The following FANCD2 variants were observed in gnomAD, a reference collection of about 807,000 sequenced individuals.
FANCD2 encodes the protein FA complementation group D2.
In FANCD2, 131 loss-of-function variants were observed where a neutral mutation model predicts 192.3. The ratio of observed to expected loss-of-function variants is 0.68; its 90% CI spans 0.59 to 0.79. The LOEUF is 0.79. Among genes scored for constraint, FANCD2 ranks in the 30% least tolerant of loss-of-function variants. The probability of loss-of-function intolerance (pLI) is 0.00; values close to 1 mark genes in which losing one functional copy is unlikely to be tolerated. For synonymous variants in FANCD2, 524 were observed against 612.5 expected, an observed-to-expected ratio of 0.86 and a Z score of 2.13; for missense variants, 1,508 against 1,701.6, an observed-to-expected ratio of 0.89 and a Z score of 2.00.
intron 43 of FANCD2, among the ~76,000 whole-genome samples, chr3:10,100,783 A>G (rs1001129479): frequency 2.6e-5 from 4 of 152,118 alleles, no homozygotes; most frequent in African/African-American, 9.7e-5. Flanking sequence ...AAATTATGCA[A>G]ATTGGGCCGG....
chr3:10,045,354 G>C (rs1451136941), intron 14 of FANCD2, among the ~76,000 whole-genome samples: 1 of 151,850 alleles, frequency 6.6e-6, no homozygotes, highest in East Asian at 1.9e-4. Flanking sequence ...ATTTTTAGTG[G>C]AAATGGGGCT....
chr3:10,043,227 C>T, intron 12 of FANCD2, 77 bp downstream of exon 12: 1 of 1,031,592 alleles, frequency 9.7e-7, no homozygotes, highest in African/African-American at 1.6e-5. Context: ...AATACTACTA[C>T]AAATAATGAT....
At chr3:10,048,508 T>G (rs1177189963) in intron 16 of FANCD2, among the ~76,000 whole-genome samples, 1 of 152,224 alleles carries the variant, frequency 6.6e-6, no homozygotes, top group Non-Finnish European at 1.5e-5. Context: ...TTTCACCATG[T>G]TGGCCAGGCT....
chr3:10,056,528 A>T (rs1362821323), intron 18 of FANCD2, among the ~76,000 whole-genome samples: 2 of 151,938 alleles, frequency 1.3e-5, no homozygotes, highest in Non-Finnish European at 2.9e-5. Context: ...TAATTAATTA[A>T]TTTAAAAATT....
rs145118615 is a variant in FANCD2 at position 10,080,408 on chromosome 3, A to G, written c.2977-692A>G. On this transcript the variant is annotated intron_variant, in intron 30 of 43. Transcript: ENST00000675286. ...GCCACCGCACTCAGCTAATTTTTGT[A>G]TTTTTTGTAAAGAAGAGTTTCAGCA... Among the ~76,000 whole-genome samples the G allele has an allele frequency of 1.7e-3, 254 of 152,170 alleles. 4 individuals are homozygous for G. Among genetic ancestry groups the G allele is most frequent in the South Asian group, 0.01 (49 of 4,820 alleles).
chr3:10,092,203 A>G lies in FANCD2; in HGVS notation c.3800A>G (p.Tyr1267Cys). ...SQQIHEEKLL[Y>C]WNMAVRDFSI... is the part of the protein sequence containing the mutation. Reference sequence around the variant, plus strand: ...CAGATTCATGAAGAGAAACTCCTCTACTGGAACATGGCTGTTCGAGACTTC... The same window carrying G: ...CAGATTCATGAAGAGAAACTCCTCTGCTGGAACATGGCTGTTCGAGACTTC... The change falls in exon 38 of 44, where the codon TAC becomes TGC. Residue 1267 changes from tyrosine to cysteine, a missense_variant. Transcript: ENST00000675286. 6.2e-7 allele frequency: 1 copy of G among 1,614,062 alleles called. No individual in the cohort carries two copies. The highest frequency in any genetic ancestry group is 8.5e-7 in the Non-Finnish European group (1 of 1,179,902).
intron 3 of FANCD2, among the ~76,000 whole-genome samples, chr3:10,033,618 G>A (rs1490584335): frequency 6.6e-6 from 1 of 151,282 alleles, no homozygotes. Context: ...TGTTTTGGGG[G>A]AGCAGATTAT....
intron 26 of FANCD2, among the ~76,000 whole-genome samples, chr3:10,071,295 A>C (rs561689920): frequency 3.9e-5 from 6 of 152,342 alleles, no homozygotes; most frequent in African/African-American, 1.2e-4. Flanking sequence ...TTCCTCAAAA[A>C]ACTAAAAATA....
Position 10,072,999 on chromosome 3 carries a change from C to T in FANCD2, c.2605+18C>T, listed in dbSNP as rs1438889249. 2 of 1,386,390 alleles carry T rather than the reference C, an allele frequency of 1.4e-6. No homozygotes were observed. 85.9% of individuals were successfully genotyped at this position (1,386,390 alleles called of 1,614,324 possible). A position where few individuals can be genotyped will look rare whatever the true frequency, so the allele number is the denominator to read the frequency against. ...AAAAATAGGTAAGTATGTTCTTTTC[C>T]TCTTGTCTTGTGTCTCTAAATAAGC... On this transcript the variant is annotated intron_variant, in intron 27 of 43. Transcript: ENST00000675286.
Position 10,062,100 on chromosome 3 carries a change from C to A in FANCD2, c.1767-51C>A, listed in dbSNP as rs776128305. 2.9e-6 allele frequency: 4 copies of A among 1,398,180 alleles called. No individual in the cohort carries two copies. In the African/African-American group the frequency reaches 4.3e-5, roughly 15 times the overall value. The allele number at this position is 1,398,180 out of a possible 1,614,324, so 86.6% of individuals were successfully genotyped here. A position where few individuals can be genotyped will look rare whatever the true frequency, so the allele number is the denominator to read the frequency against. On this transcript the variant is annotated intron_variant, in intron 19 of 43. Coordinates refer to ENST00000675286, the MANE Select transcript of FANCD2 (RefSeq NM_001018115.3). ...AAACCTGCACGTTGTGCACATGTAC[C>A]CTAAAACTTAAAGTATAATAATAAT... is the stretch of plus-strand genomic sequence containing the variant.
chr3:10,069,255 A>G (rs1419597929), intron 26 of FANCD2, among the ~76,000 whole-genome samples: 1 of 147,452 alleles, frequency 6.8e-6, no homozygotes, highest in Non-Finnish European at 1.5e-5. Context: ...CAAACTATGT[A>G]TCTGACAAGG....
chr3:10,095,428 T>C, intron 41 of FANCD2, 154 bp downstream of exon 41: 1 of 695,346 alleles, frequency 1.4e-6, no homozygotes, highest in Non-Finnish European at 2.6e-6. Context: ...TAGTTGCTCC[T>C]TGAGATTGGG....
intron 42 of FANCD2, among the ~76,000 whole-genome samples, chr3:10,096,808 T>C (rs1575871159): frequency 6.6e-6 from 1 of 152,224 alleles, no homozygotes; most frequent in Non-Finnish European, 1.5e-5. Flanking sequence ...CATTTTTGTA[T>C]AGGGACAAAC....
rs1694824466 is a variant in FANCD2 at position 10,094,318 on chromosome 3, G to A, written c.3918G>A (p.Leu1306=). 6.2e-7 allele frequency: 1 copy of A among 1,614,082 alleles called. No homozygotes were observed. The highest frequency in any genetic ancestry group is 8.5e-7 in the Non-Finnish European group (1 of 1,179,978). ...GGCGTCTCTTTGTGGAAGCATTTCT[G>A]AAGCAATGTATGCCGCTCCTAGACT... The part of the protein sequence containing the change: ...KYGRLFVEAF[L]KQCMPLLDFS... Residue 1306 remains leucine, a synonymous_variant, in exon 40 of 44, where the codon CTG becomes CTA. Coordinates refer to ENST00000675286, the MANE Select transcript of FANCD2 (RefSeq NM_001018115.3).
intron 7 of FANCD2, among the ~76,000 whole-genome samples, chr3:10,038,189 G>A (rs553786022): frequency 3.3e-5 from 5 of 152,102 alleles, no homozygotes; most frequent in African/African-American, 1.2e-4. Flanking sequence ...ATGAGGTTTC[G>A]CCATGTTGGC....
chr3:10,081,367 G>A lies in FANCD2; in HGVS notation c.3127G>A (p.Gly1043Ser), dbSNP rs142238966. 1.3e-5 allele frequency: 21 copies of A among 1,613,768 alleles called. No homozygotes were observed. The highest frequency in any genetic ancestry group is 1.6e-4 in the Middle Eastern group (1 of 6,082). Reference protein sequence around the residue: ...YFQCLAAENHGVVDGPGVKVQ... With the variant: ...YFQCLAAENHSVVDGPGVKVQ... The stretch of plus-strand genomic sequence containing the variant: ...TTAGTGTTTAGCTGCTGAGAATCAC[G>A]GTGTAGTTGATGGACCAGGAGTGAA... Residue 1043 changes from glycine (G) to serine (S), a missense_variant, in exon 32 of 44, where the codon GGT (glycine) becomes AGT (serine). By Grantham distance (56) the Gly-to-Ser change is moderately conservative (BLOSUM62 0). Transcript: ENST00000675286.
intron 28 of FANCD2, among the ~76,000 whole-genome samples, chr3:10,073,971 A>T (rs1693392032): frequency 6.6e-6 from 1 of 151,812 alleles, no homozygotes; most frequent in Non-Finnish European, 1.5e-5. Flanking sequence ...TTTGAGATGG[A>T]GTCTCACTCT....
At chr3:10,101,066 A>T (rs1575884426) in intron 43 of FANCD2, 122 bp from the exon 44 acceptor site, 28 of 114,416 alleles carry the variant, frequency 2.4e-4, no homozygotes, top group South Asian at 6.8e-4. Flanking sequence ...AGACTCCTTT[A>T]AAAAAAAAAA....
chr3:10,066,964 A>G (rs538275825), intron 25 of FANCD2, among the ~76,000 whole-genome samples: 11 of 152,050 alleles, frequency 7.2e-5, no homozygotes, highest in Non-Finnish European at 1.5e-4. Flanking sequence ...GCCTCAAGTG[A>G]TCCTCCTGCC....
Sources: gnomAD v4.1 joint callset for allele counts (sites outside exome capture counted in the v4.1 genomes callset) on GRCh38, gnomAD v4.1.1 for gene constraint, MANE v1.5 for transcripts, NCBI Gene and HGNC (gene_info 2026-07-23, HGNC 2026-07-21) for gene names.